ADAMTS2: variants seen among roughly 807,000 people sequenced by gnomAD.
ADAMTS2 encodes ADAM metallopeptidase with thrombospondin type 1 motif 2.
A neutral mutation model predicts 123.0 loss-of-function variants in ADAMTS2; 50 were observed. The ratio of observed to expected loss-of-function variants is 0.41; its 90% CI spans 0.32 to 0.51. The LOEUF (loss-of-function observed/expected upper bound fraction) is 0.51. Among genes scored for constraint, ADAMTS2 ranks in the 20% least tolerant of loss-of-function variants. ADAMTS2 has a pLI of 0.35. For synonymous variants in ADAMTS2, 678 were observed against 695.4 expected (o/e 0.98, Z 0.39); for missense variants, 1,494 against 1,705.2 (o/e 0.88, Z 2.18).
intron 2 of ADAMTS2, among the ~76,000 whole-genome samples, chr5:179,324,573 T>C (rs1170968204): frequency 6.6e-6 from 1 of 152,126 alleles, no homozygotes; most frequent in Non-Finnish European, 1.5e-5. Flanking sequence ...TGTATTTTAG[T>C]AGAGGCAGGG....
At chr5:179,267,710 A>C (rs1034500153) in intron 3 of ADAMTS2, among the ~76,000 whole-genome samples, 1 of 152,184 alleles carries the variant, frequency 6.6e-6, no homozygotes, top group Non-Finnish European at 1.5e-5. Flanking sequence ...TGAGCACGGG[A>C]GGGGACCCCA....
intron 13 of ADAMTS2, among the ~76,000 whole-genome samples, chr5:179,135,161 GACTCCA>G (rs201251860): frequency 1.4e-5 from 2 of 141,298 alleles, no homozygotes; most frequent in Non-Finnish European, 3.1e-5. Context: ...CCCAGCTCCC[GACTCCA>G]GCTCCAGCTC....
rs1408872424 is a variant in ADAMTS2, at chr5:179,129,302, C to A, written c.2457+630G>T. On this transcript the variant is annotated intron_variant, in intron 16 of 21. Transcript: ENST00000251582. The surrounding 1 kb of genome is among the most constrained non-coding windows in gnomAD (Gnocchi z 4.1). ...GCACCCACGTGTGGAGCGCTGGGGG[C>A]TGGTGGATTAATCCCAATGCCAGCA... Among the ~76,000 whole-genome samples, 4 of 152,158 alleles carry A rather than the reference C, an allele frequency of 2.6e-5. No homozygotes were observed. Among genetic ancestry groups the A allele is most frequent in the African/African-American group, 4.8e-5 (2 of 41,440 alleles).
intron 2 of ADAMTS2, among the ~76,000 whole-genome samples, chr5:179,316,884 G>A (rs1046056543): frequency 2.0e-5 from 3 of 152,122 alleles, no homozygotes; most frequent in Non-Finnish European, 4.4e-5. Flanking sequence ...AAGGTTGCAG[G>A]GAGCTACGAT....
At chr5:179,160,633 T>C (rs1320789259) in intron 5 of ADAMTS2, among the ~76,000 whole-genome samples, 2 of 152,216 alleles carry the variant, frequency 1.3e-5, no homozygotes, top group African/African-American at 4.8e-5. Context: ...CTTTATTTCC[T>C]GCTCCTGGGA....
intron 21 of ADAMTS2, 94 bp downstream of exon 21, chr5:179,121,567 C>T: frequency 9.3e-7 from 1 of 1,071,560 alleles, no homozygotes; most frequent in Non-Finnish European, 1.3e-6. Context: ...GGGGAGCTTT[C>T]CATAGACAGA....
chr5:179,241,155 C>T (rs1242545026), intron 3 of ADAMTS2, among the ~76,000 whole-genome samples: 3 of 152,194 alleles, frequency 2.0e-5, no homozygotes, highest in Non-Finnish European at 4.4e-5. Context: ...GAAGTGTGAG[C>T]GGAAGATAGG....
At chr5:179,319,264 T>G (rs987389142) in intron 2 of ADAMTS2, among the ~76,000 whole-genome samples, 3 of 152,286 alleles carry the variant, frequency 2.0e-5, no homozygotes, top group African/African-American at 7.2e-5. Flanking sequence ...TCCACACATG[T>G]GCACTACACA....
intron 4 of ADAMTS2, among the ~76,000 whole-genome samples, chr5:179,205,757 G>A (rs201282364): frequency 9.7e-4 from 113 of 115,924 alleles, no homozygotes; most frequent in Admixed American, 3.3e-3. Flanking sequence ...TGGTTTTATT[G>A]TTATTATTAT....
chr5:179,305,615 G>A (rs1015064101), intron 2 of ADAMTS2, among the ~76,000 whole-genome samples: 1 of 152,106 alleles, frequency 6.6e-6, no homozygotes, highest in African/African-American at 2.4e-5. Context: ...AAAGCAAGTA[G>A]AAGGGAGGAA....
At position 179,162,384 on chromosome 5, in the gene ADAMTS2, C is replaced by A. The variant is rs1198744551; in HGVS notation, c.976-3505G>T. Among the ~76,000 whole-genome samples the A allele has an allele frequency of 6.6e-6, 1 of 152,098 alleles. No individual in the cohort carries two copies. The highest frequency in any genetic ancestry group is 2.4e-5 in the African/African-American group (1 of 41,430). On this transcript the variant is annotated intron_variant, in intron 5 of 21. Transcript: ENST00000251582. The surrounding 1 kb of genome is among the most constrained non-coding windows in gnomAD (Gnocchi z 5.1). ...GGTGGGGGGCCTGCAGCGGCTGGAG[C>A]CCCCCTGCACTACAGGAGACCCCCC...
At chr5:179,343,550 G>GC (rs1414500932) in intron 2 of ADAMTS2, among the ~76,000 whole-genome samples, 22 of 152,348 alleles carry the variant, frequency 1.4e-4, no homozygotes, top group African/African-American at 5.1e-4. Flanking sequence ...AGACCCGGGC[G>GC]CTCCCCATGC....
chr5:179,200,799 C>G (rs1262492305), intron 4 of ADAMTS2, among the ~76,000 whole-genome samples: 1 of 152,130 alleles, frequency 6.6e-6, no homozygotes, highest in African/African-American at 2.4e-5. Flanking sequence ...TGTAGGACAT[C>G]AAAAACTATC....
chr5:179,315,401 G>A (rs1561732371), intron 2 of ADAMTS2, among the ~76,000 whole-genome samples: 1 of 129,808 alleles, frequency 7.7e-6, no homozygotes, highest in Non-Finnish European at 1.7e-5. Context: ...CCCAAAGGGG[G>A]TTTGTTTCCC....
At position 179,188,789 on chromosome 5, in the gene ADAMTS2, T is replaced by C. The variant is rs34556851; in HGVS notation, c.892-7634A>G. 0.025 allele frequency among the ~76,000 whole-genome samples: 3,791 copies of C among 152,146 alleles called. 48 individuals carry two copies. The highest frequency in any genetic ancestry group is 0.044 in the Middle Eastern group (13 of 294). On this transcript the variant is annotated intron_variant, in intron 4 of 21. Coordinates refer to ENST00000251582, the MANE Select transcript of ADAMTS2 (RefSeq NM_014244.5). The surrounding 1 kb of genome is among the most constrained non-coding windows in gnomAD (Gnocchi z 5.1). ...TGATACCTCTGCAGATGCCTCAGGG[T>C]GGGGACGGGGCTCCTCCACTTCCAG...
chr5:179,294,820 T>C (rs187218335), intron 2 of ADAMTS2, among the ~76,000 whole-genome samples: 142 of 152,350 alleles, frequency 9.3e-4, no homozygotes, highest in Non-Finnish European at 1.4e-3. Flanking sequence ...AATTCCCTCA[T>C]TGAGTCTCCA....
rs564684028 is a variant in ADAMTS2, at chr5:179,235,908, C to A, written c.689-28193G>T. 1.9e-4 allele frequency among the ~76,000 whole-genome samples: 29 copies of A among 152,322 alleles called. 1 individual carries two copies. In the South Asian group the frequency reaches 6.0e-3, roughly 32 times the overall value. On this transcript the variant is annotated intron_variant, in intron 3 of 21. Transcript: ENST00000251582. ...TCTGGCCAAGTGCCTTCCCAGACAC[C>A]CTGCAGCCTCAGCCTCCTGTGACCA...
chr5:179,155,330 T>C lies in ADAMTS2; in HGVS notation c.1133-411A>G, dbSNP rs1048349402. Among the ~76,000 whole-genome samples, 2 of 152,198 alleles carry C rather than the reference T, an allele frequency of 1.3e-5. No individual in the cohort carries two copies. Among genetic ancestry groups the C allele is most frequent in the Admixed American group, 6.5e-5 (1 of 15,278 alleles). Reference sequence around the variant, plus strand: ...CACCTGCTTCCACACCTCTCTCTGCTAGAGGCATCCTGCCCCTCGTCTGCC... The same window carrying C: ...CACCTGCTTCCACACCTCTCTCTGCCAGAGGCATCCTGCCCCTCGTCTGCC... On this transcript the variant is annotated intron_variant, in intron 6 of 21. Coordinates refer to ENST00000251582, the MANE Select transcript of ADAMTS2 (RefSeq NM_014244.5). The surrounding 1 kb of genome is among the most constrained non-coding windows in gnomAD (Gnocchi z 5.1).
Position 179,272,130 on chromosome 5 carries a change from C to T in ADAMTS2, c.688+781G>A, listed in dbSNP as rs1394012508. Among the ~76,000 whole-genome samples the T allele has an allele frequency of 6.6e-6, 1 of 152,212 alleles. No homozygotes were observed. Among genetic ancestry groups the T allele is most frequent in the African/African-American group, 2.4e-5 (1 of 41,464 alleles). ...TATGGGCCTGCAGAACCACATCAGA[C>T]ACCAACCCTGGCTTCACCACAATCC... On this transcript the variant is annotated intron_variant, in intron 3 of 21. Coordinates refer to ENST00000251582, the MANE Select transcript of ADAMTS2 (RefSeq NM_014244.5). The surrounding 1 kb of genome is among the most constrained non-coding windows in gnomAD (Gnocchi z 5.8).
Sources: allele counts gnomAD v4.1 joint callset (sites outside exome capture counted in the v4.1 genomes callset), GRCh38; gene constraint gnomAD v4.1.1; non-coding constraint Gnocchi (gnomAD v3.1); transcripts MANE v1.5; gene names NCBI Gene and HGNC (gene_info 2026-07-23, HGNC 2026-07-21).